HK1: variants seen among roughly 807,000 people sequenced by gnomAD.
HK1 encodes the protein hexokinase 1, also known as hexokinase-1.
A neutral mutation model predicts 91.6 loss-of-function variants in HK1; 28 were observed. That is an observed-to-expected ratio of 0.31 (90% CI 0.23 to 0.42). The LOEUF (loss-of-function observed/expected upper bound fraction) is 0.42, where lower values mean the gene tolerates loss of function less well. Ranked by LOEUF, HK1 falls within the 10% of genes least tolerant of loss-of-function variation. The probability of loss-of-function intolerance (pLI) is 1.00; values close to 1 mark genes in which losing one functional copy is unlikely to be tolerated. For synonymous variants in HK1, 430 were observed against 468.1 expected (o/e 0.92, Z 1.05); for missense variants, 770 against 1,219.8 (o/e 0.63, Z 5.49).
At chr10:69,323,307 G>A (rs1313921245) in intron 1 of HK1, among the ~76,000 whole-genome samples, 3 of 150,140 alleles carry the variant, frequency 2.0e-5, no homozygotes, top group Non-Finnish European at 4.4e-5. Context: ...AGAAAAAAAA[G>A]AAAAAATTAT....
At chr10:69,356,882 C>CA (rs778360296) in intron 2 of HK1, among the ~76,000 whole-genome samples, 8,995 of 60,910 alleles carry the variant, frequency 0.15, 1,213 homozygotes, top group African/African-American at 0.39. Flanking sequence ...AACTCCATCT[C>CA]AAAAAAAAAA....
chr10:69,288,799 C>CT (rs1489068106), intron 3 of HK1: 7 of 1,597,510 alleles, frequency 4.4e-6, no homozygotes, highest in South Asian at 1.1e-5. Context: ...TTCTTTCTTT[C>CT]TTTTTTTGAG....
chr10:69,333,939 T>C (rs192725703), intron 1 of HK1, among the ~76,000 whole-genome samples: 3 of 152,132 alleles, frequency 2.0e-5, no homozygotes, highest in East Asian at 1.9e-4. Flanking sequence ...GGTGAAACCG[T>C]GTCTCTACTA....
chr10:69,304,370 C>T (rs1195909749), intron 5 of HK1, among the ~76,000 whole-genome samples: 1 of 151,708 alleles, frequency 6.6e-6, no homozygotes, highest in Non-Finnish European at 1.5e-5. Flanking sequence ...AGCAGTGGCC[C>T]AGTCTCGGCT....
At chr10:69,312,168 C>T (rs1301350158), upstream of HK1, among the ~76,000 whole-genome samples, 1 of 152,228 alleles carries the variant, frequency 6.6e-6, no homozygotes, top group Non-Finnish European at 1.5e-5. Context: ...AAAAGGCATA[C>T]ACATTTTCTA....
At chr10:69,321,391 C>T (rs746181362) in intron 1 of HK1, among the ~76,000 whole-genome samples, 10 of 152,164 alleles carry the variant, frequency 6.6e-5, no homozygotes, top group Non-Finnish European at 1.5e-5. Flanking sequence ...TTCCACGTAC[C>T]ACTCACCATA....
At chr10:69,306,182 G>A (rs950149724) in intron 5 of HK1, among the ~76,000 whole-genome samples, 6 of 151,668 alleles carry the variant, frequency 4.0e-5, no homozygotes, top group East Asian at 1.9e-4. Context: ...GTGAAACACC[G>A]TCTCTACTAA....
At chr10:69,312,993 T>C (rs1360850783), upstream of HK1, among the ~76,000 whole-genome samples, 1 of 151,860 alleles carries the variant, frequency 6.6e-6, no homozygotes, top group Non-Finnish European at 1.5e-5. Flanking sequence ...CCTCTCTGAG[T>C]GGAGATGAAC....
chr10:69,297,431 C>T (rs900961054), intron 4 of HK1, among the ~76,000 whole-genome samples: 2 of 151,992 alleles, frequency 1.3e-5, no homozygotes, highest in Admixed American at 6.6e-5. Flanking sequence ...CGGTGTTGTT[C>T]GAGGGTCAAC....
chr10:69,352,138 A>G (rs142282292), intron 2 of HK1, among the ~76,000 whole-genome samples: 20,330 of 151,712 alleles, frequency 0.13, 1,548 homozygotes, highest in South Asian at 0.27. Context: ...GATTACAGGC[A>G]CCTACCACTA....
At chr10:69,396,881 C>A (rs549875679) in intron 16 of HK1, among the ~76,000 whole-genome samples, 5 of 152,162 alleles carry the variant, frequency 3.3e-5, no homozygotes, top group African/African-American at 1.2e-4. Context: ...GATGGGGTTT[C>A]CCCATGTTGA....
At chr10:69,377,449 T>C (rs1278796542) in intron 8 of HK1, among the ~76,000 whole-genome samples, 1 of 150,434 alleles carries the variant, frequency 6.6e-6, no homozygotes, top group Admixed American at 6.6e-5. Flanking sequence ...AAGGAGCTGG[T>C]AAAGCCCGGA....
At chr10:69,331,847 C>T (rs1847737391) in intron 1 of HK1, among the ~76,000 whole-genome samples, 3 of 151,478 alleles carry the variant, frequency 2.0e-5, no homozygotes, top group South Asian at 4.2e-4. Context: ...CACTGCACTC[C>T]AGCCTAGGTG....
chr10:69,272,927 C>T lies in HK1; in HGVS notation c.-391+2819C>T, dbSNP rs186518488. Reference sequence around the variant, plus strand: ...AAATTCCAATATGCAAACATTAGAGCATTTCATCCTGTCTTACATCTCTTT... The same window carrying T: ...AAATTCCAATATGCAAACATTAGAGTATTTCATCCTGTCTTACATCTCTTT... On this transcript the variant is annotated intron_variant, in intron 1 of 21. Transcript: ENST00000360289. Among the ~76,000 whole-genome samples, 13 of 151,586 alleles carry T rather than the reference C, an allele frequency of 8.6e-5. No individual in the cohort carries two copies. The East Asian group carries it at 2.5e-3, about 29-fold the overall frequency.
At chr10:69,394,493 C>T (rs1000938269) in intron 15 of HK1, among the ~76,000 whole-genome samples, 1 of 152,178 alleles carries the variant, frequency 6.6e-6, no homozygotes, top group Non-Finnish European at 1.5e-5. Context: ...GCCCTGGGGA[C>T]TCAGAGCTGA....
chr10:69,365,406 T>C (rs1340611680), intron 4 of HK1, among the ~76,000 whole-genome samples: 1 of 152,212 alleles, frequency 6.6e-6, no homozygotes, highest in African/African-American at 2.4e-5. Flanking sequence ...CTGTTTGTCA[T>C]CTATTTGTTT....
At chr10:69,290,071 A>G (rs1298016417) in intron 3 of HK1, among the ~76,000 whole-genome samples, 1 of 152,118 alleles carries the variant, frequency 6.6e-6, no homozygotes, top group Non-Finnish European at 1.5e-5. Flanking sequence ...TGAAGCAAGG[A>G]CTACAGCTGT....
At chr10:69,384,232 G>T in intron 10 of HK1, 101 bp from the exon 11 acceptor site, 1 of 1,390,198 alleles carries the variant, frequency 7.2e-7, no homozygotes, top group Non-Finnish European at 1.0e-6. Context: ...CTCTATGTTT[G>T]CTATGGGGTT....
intron 3 of HK1, among the ~76,000 whole-genome samples, chr10:69,293,298 G>A (rs1339771286): frequency 6.6e-6 from 1 of 152,142 alleles, no homozygotes; most frequent in African/African-American, 2.4e-5. Flanking sequence ...ACATGTGCCT[G>A]AGGTTCCCAG....
Sources: gnomAD v4.1 joint callset for allele counts (sites outside exome capture counted in the v4.1 genomes callset) on GRCh38, gnomAD v4.1.1 for gene constraint, MANE v1.5 for transcripts, NCBI Gene and HGNC (gene_info 2026-07-23, HGNC 2026-07-21) for gene names.